PLD1: variants seen among roughly 807,000 people sequenced by gnomAD.
PLD1 encodes the protein choline phosphatase 1.
Under a neutral mutation model 137.1 loss-of-function variants are expected in PLD1, and 112 were observed. The ratio of observed to expected loss-of-function variants is 0.82; its 90% confidence interval spans 0.70 to 0.96. PLD1 has a LOEUF of 0.96. PLD1 is among the 40% of genes least tolerant of loss of function. PLD1 has a pLI of 0.00. For synonymous variants in PLD1, 431 were observed against 454.7 expected (o/e 0.95, Z 0.66); for missense variants, 1,321 against 1,342.0 (o/e 0.98, Z 0.24).
At chr3:171,743,536 G>T (rs970696166) in intron 1 of PLD1, among the ~76,000 whole-genome samples, 12 of 152,120 alleles carry the variant, frequency 7.9e-5, no homozygotes, top group Non-Finnish European at 1.5e-4. Flanking sequence ...TCCCTGGCTG[G>T]TTATGCAATC....
intron 23 of PLD1, among the ~76,000 whole-genome samples, chr3:171,625,743 G>T (rs1734047847): frequency 1.3e-5 from 2 of 152,188 alleles, no homozygotes; most frequent in South Asian, 4.1e-4. Context: ...GGCAAACAGG[G>T]TCTGGAGTGG....
intron 8 of PLD1, among the ~76,000 whole-genome samples, chr3:171,720,632 TATC>T (rs934676083): frequency 1.3e-5 from 2 of 152,102 alleles, no homozygotes; most frequent in South Asian, 2.1e-4. Flanking sequence ...AATTATATGT[TATC>T]ATCTATATAT....
intron 23 of PLD1, among the ~76,000 whole-genome samples, chr3:171,626,615 AC>A (rs1734132447): frequency 6.6e-6 from 1 of 151,972 alleles, no homozygotes; most frequent in Admixed American, 6.5e-5. Context: ...AGGTCGGGTT[AC>A]CCACAAAGGG....
At chr3:171,635,962 C>CTTTTTTTTTTTTTTTTTTTT (rs1481093699) in intron 23 of PLD1, among the ~76,000 whole-genome samples, 3 of 37,100 alleles carry the variant, frequency 8.1e-5, no homozygotes, top group Non-Finnish European at 1.2e-4. Flanking sequence ...AGGGGTTCAA[C>CTTTTTTTTTTTTTTTTTTTT]TTCTTTTTTT....
chr3:171,673,602 C>T (rs902923364), intron 19 of PLD1, among the ~76,000 whole-genome samples: 1 of 152,158 alleles, frequency 6.6e-6, no homozygotes, highest in African/African-American at 2.4e-5. Flanking sequence ...ATTTGATCTA[C>T]AGTCTGAAAT....
At chr3:171,727,418 G>A (rs1343024621) in intron 6 of PLD1, among the ~76,000 whole-genome samples, 1 of 152,198 alleles carries the variant, frequency 6.6e-6, no homozygotes, top group African/African-American at 2.4e-5. Flanking sequence ...AGATGTAAAT[G>A]TGGAGGCATA....
chr3:171,722,411 T>C (rs1388303647), intron 8 of PLD1, among the ~76,000 whole-genome samples: 1 of 152,204 alleles, frequency 6.6e-6, no homozygotes, highest in Non-Finnish European at 1.5e-5. Context: ...CCATCACCAC[T>C]ATCTAGTTCC....
chr3:171,702,074 G>C (rs892329165), intron 11 of PLD1, among the ~76,000 whole-genome samples: 20 of 152,090 alleles, frequency 1.3e-4, no homozygotes, highest in African/African-American at 4.6e-4. Flanking sequence ...ATAAATATAA[G>C]AGTAGAACTT....
chr3:171,746,568 C>T (rs1682895516), intron 1 of PLD1, among the ~76,000 whole-genome samples: 1 of 151,720 alleles, frequency 6.6e-6, no homozygotes, highest in Non-Finnish European at 1.5e-5. Context: ...CAATCAGCAC[C>T]CTGTGTCTAG....
intron 1 of PLD1, among the ~76,000 whole-genome samples, chr3:171,775,383 AT>A (rs1205488771): frequency 6.6e-6 from 1 of 152,136 alleles, no homozygotes; most frequent in African/African-American, 2.4e-5. Context: ...TTCTTTGCAT[AT>A]TGATAACTTT....
chr3:171,680,923 C>T (rs1038656470), intron 16 of PLD1, among the ~76,000 whole-genome samples: 18 of 152,210 alleles, frequency 1.2e-4, no homozygotes, highest in African/African-American at 4.3e-4. Flanking sequence ...CTCCCTGTGT[C>T]TCTACTATAA....
At chr3:171,616,830 T>C (rs905727842) in intron 24 of PLD1, among the ~76,000 whole-genome samples, 2 of 152,196 alleles carry the variant, frequency 1.3e-5, no homozygotes, top group African/African-American at 4.8e-5. Flanking sequence ...ATTTGTGTTG[T>C]TTTAAGCTAC....
chr3:171,748,544 T>G (rs1429599975), intron 1 of PLD1, among the ~76,000 whole-genome samples: 1 of 152,114 alleles, frequency 6.6e-6, no homozygotes, highest in Non-Finnish European at 1.5e-5. Context: ...GAAGAATGGA[T>G]CTGGCAAACT....
intron 8 of PLD1, 99 bp from the exon 9 acceptor site, chr3:171,714,144 C>T (rs764373222): frequency 1.6e-4 from 113 of 696,290 alleles, no homozygotes; most frequent in Admixed American, 3.2e-4. Context: ...CTCTGGCAGA[C>T]TGTAGACATA....
At chr3:171,726,195 C>A in intron 6 of PLD1, 119 bp from the exon 7 acceptor site, 1 of 673,452 alleles carries the variant, frequency 1.5e-6, no homozygotes. Flanking sequence ...ACAGACTACA[C>A]AGATCAATAA....
intron 1 of PLD1, among the ~76,000 whole-genome samples, chr3:171,758,730 G>T (rs148672314): frequency 6.6e-6 from 1 of 152,330 alleles, no homozygotes; most frequent in Non-Finnish European, 1.5e-5. Flanking sequence ...TGCCCAGAGA[G>T]AACAAAACCA....
At chr3:171,656,773 A>G (rs1271747613) in intron 21 of PLD1, among the ~76,000 whole-genome samples, 2 of 152,226 alleles carry the variant, frequency 1.3e-5, no homozygotes, top group African/African-American at 4.8e-5. Context: ...GGATCAAGAC[A>G]TCCATCCCAT....
chr3:171,783,606 T>C (rs969269819), intron 1 of PLD1, among the ~76,000 whole-genome samples: 12 of 152,114 alleles, frequency 7.9e-5, no homozygotes, highest in African/African-American at 2.7e-4. Context: ...TATTTTATTT[T>C]ATTGATTGAG....
chr3:171,770,759 T>G (rs1185221611), intron 1 of PLD1, among the ~76,000 whole-genome samples: 1 of 151,288 alleles, frequency 6.6e-6, no homozygotes, highest in Non-Finnish European at 1.5e-5. Context: ...TGCGGTGGCA[T>G]GCACCTGTAA....
Sources: gnomAD v4.1 joint callset for allele counts (sites outside exome capture counted in the v4.1 genomes callset) on GRCh38, gnomAD v4.1.1 for gene constraint, MANE v1.5 for transcripts, NCBI Gene and HGNC (gene_info 2026-07-23, HGNC 2026-07-21) for gene names.